AGBL1: variants seen among roughly 807,000 people sequenced by gnomAD.
AGBL1 encodes the protein cytosolic carboxypeptidase 4.
In AGBL1, 130 loss-of-function variants were observed where a neutral mutation model predicts 118.9. That is an observed-to-expected ratio of 1.09 (90% CI 0.95 to 1.26). The LOEUF is 1.26. Among genes scored for constraint, AGBL1 ranks in the 50% most tolerant of loss-of-function variants. AGBL1 has a pLI of 0.00. For missense variants in AGBL1, 1,584 were observed against 1,298.1 expected (o/e 1.22, Z -3.38); for synonymous variants, 555 against 478.9 (o/e 1.16, Z -2.08).
Position 86,383,275 on chromosome 15 carries a change from A to AAAAAAAAT in AGBL1, c.2375-14091_2375-14090insAAAAAAAT, listed in dbSNP as rs544397935. Among the ~76,000 whole-genome samples, 135 of 118,892 alleles carry AAAAAAAAT rather than the reference A, an allele frequency of 1.1e-3. 14 individuals carry two copies. The highest frequency in any genetic ancestry group is 2.3e-3 in the East Asian group (8 of 3,526). The allele number at this position is 118,892 out of a possible 152,430, so 78.0% of individuals were successfully genotyped here. A position where few individuals can be genotyped will look rare whatever the true frequency, so the allele number is the denominator to read the frequency against. On this transcript the variant is annotated intron_variant, in intron 17 of 22. Coordinates refer to ENST00000614907, the MANE Select transcript of AGBL1 (RefSeq NM_001386094.1). ...AAAAAAAAAAAAAAAAAAAAAAAAAATCCTAATTGCTTATCTTAAGTATTT... is the reference window on the plus strand; with the variant it reads ...AAAAAAAAAAAAAAAAAAAAAAAAAAAAAAAAATTCCTAATTGCTTATCTTAAGTATTT...
At position 86,246,067 on chromosome 15, in the gene AGBL1, G is replaced by A. The variant is rs536270778; in HGVS notation, c.527-1604G>A. Reference sequence around the variant, plus strand: ...CATTTGGCTTATTTTTATTTTTTGTGGAGATGGGGTTTTACTATGTTACTC... The same window carrying A: ...CATTTGGCTTATTTTTATTTTTTGTAGAGATGGGGTTTTACTATGTTACTC... On this transcript the variant is annotated intron_variant, in intron 6 of 22. Transcript: ENST00000614907. 1.8e-3 allele frequency among the ~76,000 whole-genome samples: 269 copies of A among 152,052 alleles called. 4 individuals are homozygous for A. The South Asian group carries it at 0.044, about 25-fold the overall frequency.
chr15:86,422,875 C>A (rs1032264241), intron 18 of AGBL1, among the ~76,000 whole-genome samples: 1 of 152,152 alleles, frequency 6.6e-6, no homozygotes, highest in Admixed American at 6.5e-5. Flanking sequence ...GACACATACA[C>A]ACTCCCAAGA....
chr15:86,196,334 T>C (rs4389118), intron 5 of AGBL1, among the ~76,000 whole-genome samples: 15,091 of 152,120 alleles, frequency 0.099, 2,559 homozygotes, highest in African/African-American at 0.34. Flanking sequence ...TCAGTGTTGA[T>C]TGCATACCTA....
chr15:86,492,798 G>T (rs573741888), intron 18 of AGBL1, among the ~76,000 whole-genome samples: 3 of 152,226 alleles, frequency 2.0e-5, no homozygotes, highest in Non-Finnish European at 4.4e-5. Flanking sequence ...GGTCATAGGA[G>T]GTAGAAGCTT....
chr15:87,017,652 C>T (rs1326126957), intron 24 of AGBL1, among the ~76,000 whole-genome samples: 2 of 152,032 alleles, frequency 1.3e-5, no homozygotes, highest in East Asian at 3.9e-4. Flanking sequence ...GGTCAGCAGC[C>T]TCAAAGATGG....
chr15:86,284,426 T>A (rs1303689474), intron 16 of AGBL1, among the ~76,000 whole-genome samples: 2 of 152,194 alleles, frequency 1.3e-5, no homozygotes, highest in Admixed American at 6.5e-5. Context: ...TAAAGTTAAG[T>A]CCCTTTAACT....
At chr15:86,877,863 T>C (rs75592810) in intron 22 of AGBL1, among the ~76,000 whole-genome samples, 4,420 of 152,308 alleles carry the variant, frequency 0.029, 207 homozygotes, top group African/African-American at 0.099. Flanking sequence ...TCTTCTCTCT[T>C]CTCACATTCT....
chr15:86,630,108 T>C (rs771876813), intron 21 of AGBL1, among the ~76,000 whole-genome samples: 1 of 152,250 alleles, frequency 6.6e-6, no homozygotes, highest in African/African-American at 2.4e-5. Flanking sequence ...CTTCCTTCTA[T>C]GTGGTCAGGA....
intron 5 of AGBL1, among the ~76,000 whole-genome samples, chr15:86,210,088 G>A (rs960193616): frequency 3.3e-5 from 5 of 152,204 alleles, no homozygotes; most frequent in South Asian, 2.1e-4. Context: ...TAGTTTGGCC[G>A]GATATGAAAT....
chr15:86,996,289 T>G (rs1249852982), intron 24 of AGBL1, among the ~76,000 whole-genome samples: 1 of 152,138 alleles, frequency 6.6e-6, no homozygotes, highest in Non-Finnish European at 1.5e-5. Context: ...TTCCCAGGAA[T>G]TCCAGAAACC....
At chr15:86,707,447 C>A (rs976541307) in intron 22 of AGBL1, among the ~76,000 whole-genome samples, 11 of 152,016 alleles carry the variant, frequency 7.2e-5, no homozygotes, top group Non-Finnish European at 1.0e-4. Context: ...TTGTTTTTCC[C>A]AGCTCTGTAG....
rs2080308704 is a variant in AGBL1, at chr15:86,908,344, C to G, written c.*1050C>G. 1 of 152,038 alleles carries G rather than the reference C, an allele frequency of 6.6e-6. No individual in the cohort carries two copies. Among genetic ancestry groups the G allele is most frequent in the African/African-American group, 2.4e-5 (1 of 41,392 alleles). The allele number at this position is 152,038 out of a possible 1,614,324, so 9.4% of individuals were successfully genotyped here. A position where few individuals can be genotyped will look rare whatever the true frequency, so the allele number is the denominator to read the frequency against. ...TGATGAAACCCTGTCTCTACTAAAC[C>G]CCATCTCTACAAAAATTAGCCAAGT... On this transcript the variant is annotated 3_prime_UTR_variant, in exon 23 of 23. Coordinates refer to ENST00000614907, the MANE Select transcript of AGBL1 (RefSeq NM_001386094.1).
intron 22 of AGBL1, among the ~76,000 whole-genome samples, chr15:86,891,721 A>G (rs983670904): frequency 1.3e-5 from 2 of 152,184 alleles, no homozygotes; most frequent in Non-Finnish European, 2.9e-5. Context: ...GACATGGGTC[A>G]TTATGACCTT....
chr15:86,170,656 G>T (rs571854828), intron 5 of AGBL1, among the ~76,000 whole-genome samples: 1 of 151,770 alleles, frequency 6.6e-6, no homozygotes, highest in Admixed American at 6.6e-5. Context: ...ACCACCCTGG[G>T]CAACATGGTG....
At position 86,226,587 on chromosome 15, in the gene AGBL1, C is replaced by G. The variant is rs80035576; in HGVS notation, c.526+1636C>G. 4.4e-4 allele frequency among the ~76,000 whole-genome samples: 67 copies of G among 152,302 alleles called. No individual in the cohort carries two copies. The East Asian group carries it at 0.012, about 28-fold the overall frequency. On this transcript the variant is annotated intron_variant, in intron 6 of 22. Coordinates refer to ENST00000614907, the MANE Select transcript of AGBL1 (RefSeq NM_001386094.1). ...AAAGTAGTCTTATGTCAGTTGTTTA[C>G]TCTATTGATCAGGAACACAATGCCT...
At chr15:86,315,227 T>G (rs969699655) in intron 17 of AGBL1, among the ~76,000 whole-genome samples, 6 of 152,152 alleles carry the variant, frequency 3.9e-5, no homozygotes, top group Non-Finnish European at 5.9e-5. Flanking sequence ...GCTACTGAAA[T>G]GTAATGTCAA....
chr15:86,766,861 A>G (rs892830612), intron 22 of AGBL1, among the ~76,000 whole-genome samples: 15 of 152,006 alleles, frequency 9.9e-5, no homozygotes, highest in Non-Finnish European at 1.6e-4. Flanking sequence ...CTACACACAC[A>G]CACACACACC....
intron 21 of AGBL1, among the ~76,000 whole-genome samples, chr15:86,644,627 G>T (rs1224029649): frequency 6.9e-6 from 1 of 144,158 alleles, no homozygotes; most frequent in African/African-American, 2.6e-5. Context: ...AAAACAATTG[G>T]CCTGAACTCA....
chr15:86,275,580 A>T (rs1721288821), intron 15 of AGBL1, among the ~76,000 whole-genome samples: 1 of 152,228 alleles, frequency 6.6e-6, no homozygotes. Flanking sequence ...AATGGAAATA[A>T]CCTGAGTTCG....
Sources: gnomAD v4.1 joint callset for allele counts (sites outside exome capture counted in the v4.1 genomes callset) on GRCh38, gnomAD v4.1.1 for gene constraint, MANE v1.5 for transcripts, NCBI Gene and HGNC (gene_info 2026-07-23, HGNC 2026-07-21) for gene names.